The following PHYHIPL variants were observed in gnomAD, a reference collection of about 807,000 sequenced individuals.
PHYHIPL encodes phytanoyl-CoA hydroxylase-interacting protein-like.
In PHYHIPL, 9 loss-of-function variants were observed where a neutral mutation model predicts 33.4. That is an observed-to-expected ratio of 0.27 (90% confidence interval 0.16 to 0.47). The LOEUF (loss-of-function observed/expected upper bound fraction) is 0.47. Ranked by LOEUF, PHYHIPL falls within the 20% of genes least tolerant of loss-of-function variation. The pLI, the probability that PHYHIPL is intolerant of heterozygous loss-of-function variation, is 0.99. For synonymous variants in PHYHIPL, 153 were observed against 154.1 expected, an observed-to-expected ratio of 0.99 and a Z score of 0.05; for missense variants, 365 against 460.7, an observed-to-expected ratio of 0.79 and a Z score of 1.90.
chr10:59,203,932 C>T (rs80065530), intron 1 of PHYHIPL, among the ~76,000 whole-genome samples: 5,046 of 151,828 alleles, frequency 0.033, 276 homozygotes, highest in African/African-American at 0.12. Flanking sequence ...TAAAAAAGGC[C>T]ATAGATAATG....
rs893811227 is a variant in PHYHIPL at position 59,177,082 on chromosome 10, T to C, written c.106+123T>C. ...TCTTTTGTTGTCCCCTCTGTGCAAA[T>C]AAATGCAGATGTGGGTTACCCTCCG... On this transcript the variant is annotated intron_variant, in intron 1 of 4. Transcript: ENST00000373880. 8 of 784,314 alleles carry C rather than the reference T, an allele frequency of 1.0e-5. No homozygotes were observed. In the African/African-American group the frequency reaches 1.4e-4, roughly 14 times the overall value. 48.6% of individuals were successfully genotyped at this position (784,314 alleles called of 1,614,324 possible).
chr10:59,237,164 C>T (rs1840251484), intron 3 of PHYHIPL, among the ~76,000 whole-genome samples: 1 of 151,744 alleles, frequency 6.6e-6, no homozygotes, highest in Non-Finnish European at 1.5e-5. Flanking sequence ...AAATCTGCAT[C>T]TAAACTAGTG....
chr10:59,188,104 GT>G (rs1320770319), intron 1 of PHYHIPL, among the ~76,000 whole-genome samples: 1 of 152,144 alleles, frequency 6.6e-6, no homozygotes, highest in African/African-American at 2.4e-5. Context: ...TGGGCATTTA[GT>G]GCTATAAATT....
chr10:59,207,874 G>A (rs1406187527), intron 1 of PHYHIPL, among the ~76,000 whole-genome samples: 12 of 148,196 alleles, frequency 8.1e-5, no homozygotes, highest in African/African-American at 3.0e-4. Context: ...CTGGGTGAGA[G>A]AGCAAGACTC....
intron 1 of PHYHIPL, among the ~76,000 whole-genome samples, chr10:59,192,538 A>G (rs936630470): frequency 6.6e-6 from 1 of 152,100 alleles, no homozygotes; most frequent in African/African-American, 2.4e-5. Context: ...GAGATATTGG[A>G]TATTTGTTGT....
At chr10:59,200,489 G>C (rs556921026) in intron 1 of PHYHIPL, among the ~76,000 whole-genome samples, 1 of 152,288 alleles carries the variant, frequency 6.6e-6, no homozygotes, top group South Asian at 2.1e-4. Flanking sequence ...TTGCATCGAC[G>C]TTCATCAGGG....
chr10:59,210,285 C>CA (rs1037034915), intron 1 of PHYHIPL, among the ~76,000 whole-genome samples: 2 of 151,928 alleles, frequency 1.3e-5, no homozygotes, highest in Admixed American at 1.3e-4. Flanking sequence ...AGACACTTTT[C>CA]AAAAAAAGAC....
intron 1 of PHYHIPL, among the ~76,000 whole-genome samples, chr10:59,178,085 A>G (rs1838303246): frequency 1.3e-5 from 2 of 152,160 alleles, no homozygotes; most frequent in South Asian, 4.1e-4. Flanking sequence ...CTTGTTTCCA[A>G]AGTCATTTAA....
At chr10:59,198,270 T>G (rs1838983096) in intron 1 of PHYHIPL, among the ~76,000 whole-genome samples, 1 of 152,078 alleles carries the variant, frequency 6.6e-6, no homozygotes, top group Non-Finnish European at 1.5e-5. Flanking sequence ...TTCTCATTGT[T>G]CAATTCCCAC....
chr10:59,207,318 G>T (rs372200688), intron 1 of PHYHIPL, among the ~76,000 whole-genome samples: 1 of 152,146 alleles, frequency 6.6e-6, no homozygotes, highest in Non-Finnish European at 1.5e-5. Flanking sequence ...CCTGGGAAGC[G>T]CAAGGGGTCA....
intron 3 of PHYHIPL, among the ~76,000 whole-genome samples, chr10:59,236,959 A>AT (rs1012327755): frequency 1.9e-4 from 28 of 150,482 alleles, no homozygotes; most frequent in Non-Finnish European, 3.8e-4. Context: ...ACTCAGCATA[A>AT]TTTTTTAGCT....
chr10:59,184,443 A>G (rs1838506922), intron 1 of PHYHIPL, among the ~76,000 whole-genome samples: 1 of 152,162 alleles, frequency 6.6e-6, no homozygotes, highest in Non-Finnish European at 1.5e-5. Context: ...TTTTTGGGAA[A>G]AAACTGTGTA....
chr10:59,237,754 G>A (rs975800054), intron 3 of PHYHIPL, among the ~76,000 whole-genome samples: 1 of 151,812 alleles, frequency 6.6e-6, no homozygotes, highest in Non-Finnish European at 1.5e-5. Context: ...TTAAAACCCT[G>A]TGCTTATCCC....
intron 1 of PHYHIPL, among the ~76,000 whole-genome samples, chr10:59,190,469 T>C (rs1838754223): frequency 6.6e-6 from 1 of 151,968 alleles, no homozygotes; most frequent in Non-Finnish European, 1.5e-5. Flanking sequence ...AAATTCTGTA[T>C]CTTGTATCAT....
At chr10:59,239,682 A>C (rs1840333425) in intron 4 of PHYHIPL, among the ~76,000 whole-genome samples, 1 of 152,150 alleles carries the variant, frequency 6.6e-6, no homozygotes, top group South Asian at 2.1e-4. Flanking sequence ...GGTAGTTTTT[A>C]TATTTACAGC....
chr10:59,210,989 G>T (rs181789375), intron 1 of PHYHIPL, among the ~76,000 whole-genome samples: 59 of 152,022 alleles, frequency 3.9e-4, no homozygotes, highest in African/African-American at 1.4e-3. Flanking sequence ...TGGGTTGATG[G>T]GTGTGGCCAG....
intron 1 of PHYHIPL, among the ~76,000 whole-genome samples, chr10:59,182,424 C>A (rs1174887656): frequency 1.3e-5 from 2 of 152,110 alleles, no homozygotes; most frequent in Non-Finnish European, 2.9e-5. Context: ...CTCACTGCAA[C>A]CTCCGCCTTC....
At chr10:59,231,935 C>T (rs1184952043) in intron 1 of PHYHIPL, among the ~76,000 whole-genome samples, 1 of 151,994 alleles carries the variant, frequency 6.6e-6, no homozygotes, top group Non-Finnish European at 1.5e-5. Context: ...TGTACCTCCA[C>T]CTTGGGGGGA....
At chr10:59,230,669 A>T (rs1488319655) in intron 1 of PHYHIPL, among the ~76,000 whole-genome samples, 1 of 152,180 alleles carries the variant, frequency 6.6e-6, no homozygotes, top group Admixed American at 6.5e-5. Context: ...GCCAAAGTTA[A>T]TGATGCCCTG....
Sources: gnomAD v4.1 joint callset for allele counts (sites outside exome capture counted in the v4.1 genomes callset) on GRCh38, gnomAD v4.1.1 for gene constraint, MANE v1.5 for transcripts, NCBI Gene and HGNC (gene_info 2026-07-23, HGNC 2026-07-21) for gene names.